TXN: variants seen among roughly 807,000 people sequenced by gnomAD.
TXN encodes ADF.
TXN carries 10 observed loss-of-function variants against 16.5 expected under a neutral mutation model. The observed-to-expected ratio is 0.61, with a 90% CI of 0.37 to 1.03. The LOEUF is 1.03. Ranked by LOEUF, TXN falls within the 50% of genes least tolerant of loss-of-function variation. The pLI is 0.01. For missense variants in TXN, 71 were observed against 122.5 expected (o/e 0.58, Z 1.98); for synonymous variants, 35 against 39.4 (o/e 0.89, Z 0.42).
chr9:110,256,501 G>A lies in TXN; in HGVS notation c.-66C>T, dbSNP rs1282269168. ...GGAAATGGATCCAAAGCACCAAACAGAGCTTCAAGACTCGCTGCTTGCTCT... is the reference window on the plus strand; with the variant it reads ...GGAAATGGATCCAAAGCACCAAACAAAGCTTCAAGACTCGCTGCTTGCTCT... On this transcript the variant is annotated 5_prime_UTR_variant, in exon 1 of 5. Coordinates refer to ENST00000374517, the MANE Select transcript of TXN (RefSeq NM_003329.4). The surrounding 1 kb of genome is among the most constrained non-coding windows in gnomAD (Gnocchi z 4.2). 2 of 1,539,696 alleles carry A rather than the reference G, an allele frequency of 1.3e-6. No homozygotes were observed. Among genetic ancestry groups the A allele is most frequent in the African/African-American group, 1.4e-5 (1 of 72,186 alleles).
chr9:110,255,917 A>T (rs1837803453), intron 1 of TXN, among the ~76,000 whole-genome samples: 1 of 152,026 alleles, frequency 6.6e-6, no homozygotes, highest in Non-Finnish European at 1.5e-5. Context: ...GCGGCCACCG[A>T]CCCGTGCCTT....
chr9:110,250,012 T>A (rs372266157), intron 3 of TXN, among the ~76,000 whole-genome samples: 1 of 151,808 alleles, frequency 6.6e-6, no homozygotes, highest in East Asian at 1.9e-4. Flanking sequence ...CTCAACCCGC[T>A]CTCCTAGGTC....
chr9:110,245,132 A>G, intron 3 of TXN: 1 of 249,522 alleles, frequency 4.0e-6, no homozygotes, highest in Non-Finnish European at 8.1e-6. Flanking sequence ...CCAGCGATCC[A>G]ATATGCTCTT....
chr9:110,245,110 G>A, intron 3 of TXN: 1 of 290,674 alleles, frequency 3.4e-6, no homozygotes, highest in Non-Finnish European at 6.8e-6. Flanking sequence ...AATGTTACTA[G>A]CATCAGATAC....
intron 3 of TXN, among the ~76,000 whole-genome samples, chr9:110,245,618 CTAT>C (rs1244775621): frequency 1.3e-3 from 40 of 30,870 alleles, no homozygotes; most frequent in East Asian, 4.7e-3. Context: ...CACACACACA[CTAT>C]ATATATATAT....
chr9:110,251,014 C>T, intron 2 of TXN, 135 bp from the exon 3 acceptor site: 1 of 676,268 alleles, frequency 1.5e-6, no homozygotes, highest in Non-Finnish European at 2.5e-6. Flanking sequence ...TCTTTGGAGA[C>T]ATAGATCTAA....
At position 110,244,220 on chromosome 9, in the gene TXN, C is replaced by A; in HGVS notation, c.256-1G>T. The A allele has an allele frequency of 6.5e-7, 1 of 1,549,300 alleles. No individual in the cohort carries two copies. Among genetic ancestry groups the A allele is most frequent in the Non-Finnish European group, 8.7e-7 (1 of 1,146,296 alleles). The stretch of plus-strand genomic sequence containing the variant: ...TATTGGCTCCAGAAAATTCACCCAC[C>A]TGTTAAGAGAATATTGAATTGACAT... On this transcript the variant is annotated splice_acceptor_variant, in intron 4 of 4. Coordinates refer to ENST00000374517, the MANE Select transcript of TXN (RefSeq NM_003329.4). LOFTEE classifies it high-confidence loss of function.
intron 3 of TXN, among the ~76,000 whole-genome samples, chr9:110,248,605 G>T (rs1837686737): frequency 6.6e-6 from 1 of 152,164 alleles, no homozygotes; most frequent in South Asian, 2.1e-4. Flanking sequence ...ATCATTAAGT[G>T]ATGCATGACT....
At chr9:110,255,438 C>T (rs1587926167) in intron 1 of TXN, among the ~76,000 whole-genome samples, 1 of 152,222 alleles carries the variant, frequency 6.6e-6, no homozygotes, top group Non-Finnish European at 1.5e-5. Flanking sequence ...GCTGTTTCGC[C>T]TTGGGCATTT....
rs5843 is a variant in TXN at position 110,244,140 on chromosome 9, A to G, written c.*17T>C. ...TTTTAAATAGCCAATGGCTGGTTATATTTTCAGAAAACATGATTAGACTAA... is the reference window on the plus strand; with the variant it reads ...TTTTAAATAGCCAATGGCTGGTTATGTTTTCAGAAAACATGATTAGACTAA... On this transcript the variant is annotated 3_prime_UTR_variant, in exon 5 of 5. Coordinates refer to ENST00000374517, the MANE Select transcript of TXN (RefSeq NM_003329.4). 0.54 allele frequency: 815,183 copies of G among 1,498,178 alleles called. 229,430 individuals carry two copies. Among genetic ancestry groups the G allele is most frequent in the East Asian group, 0.92 (38,297 of 41,536 alleles). 92.8% of individuals were successfully genotyped at this position (1,498,178 alleles called of 1,614,324 possible). A position where few individuals can be genotyped will look rare whatever the true frequency, so the allele number is the denominator to read the frequency against.
chr9:110,254,733 C>T (rs536763141), intron 1 of TXN, among the ~76,000 whole-genome samples: 23 of 152,270 alleles, frequency 1.5e-4, no homozygotes, highest in South Asian at 1.0e-3. Context: ...GAGGACTAAA[C>T]TGTGTGCTCC....
intron 3 of TXN, 41 bp downstream of exon 3, chr9:110,250,779 T>C (rs769155070): frequency 2.1e-6 from 3 of 1,458,852 alleles, no homozygotes; most frequent in Non-Finnish European, 2.9e-6. Context: ...AAAAGGCCAA[T>C]GTGAAAAGCT....
chr9:110,249,284 C>CA (rs1341646564), intron 3 of TXN, among the ~76,000 whole-genome samples: 1 of 137,940 alleles, frequency 7.2e-6, no homozygotes, highest in African/African-American at 2.7e-5. Context: ...GGATTTTTCA[C>CA]AAAAATGCAA....
At chr9:110,246,728 C>T (rs775793418) in intron 3 of TXN, among the ~76,000 whole-genome samples, 2 of 152,122 alleles carry the variant, frequency 1.3e-5, no homozygotes, top group Non-Finnish European at 2.9e-5. Context: ...TTTACTTTTT[C>T]TTTTAATGCT....
chr9:110,251,520 GA>G, intron 1 of TXN, 58 bp from the exon 2 acceptor site: 4 of 776,574 alleles, frequency 5.2e-6, no homozygotes, highest in Non-Finnish European at 7.3e-6. Flanking sequence ...ACCTTCAAAA[GA>G]AAGACTCGAC....
chr9:110,248,072 T>C (rs1837680710), intron 3 of TXN, among the ~76,000 whole-genome samples: 1 of 152,206 alleles, frequency 6.6e-6, no homozygotes, highest in Admixed American at 6.5e-5. Flanking sequence ...AAAGAAAATA[T>C]TTTTGTAGAG....
chr9:110,245,655 T>TATATATATATATATATATA (rs1491112333), intron 3 of TXN, among the ~76,000 whole-genome samples: 1 of 13,176 alleles, frequency 7.6e-5, no homozygotes, highest in Non-Finnish European at 1.4e-4. Flanking sequence ...TATATATATA[T>TATATATATATATATATATA]TTTTTTTTTT....
At chr9:110,246,598 T>C (rs771489644) in intron 3 of TXN, among the ~76,000 whole-genome samples, 1 of 152,082 alleles carries the variant, frequency 6.6e-6, no homozygotes, top group African/African-American at 2.4e-5. Context: ...GGACTGTTGA[T>C]AACCAAATCA....
Position 110,256,317 on chromosome 9 carries a change from C to A in TXN, c.24+95G>T. ...ATGCGGAGGGGCGGCCTCCGCACCT[C>A]CCGCCACCGCCTTCCCCACCTCCCG... On this transcript the variant is annotated intron_variant, in intron 1 of 4. Coordinates refer to ENST00000374517, the MANE Select transcript of TXN (RefSeq NM_003329.4). The surrounding 1 kb of genome is among the most constrained non-coding windows in gnomAD (Gnocchi z 4.2). 2 of 1,325,532 alleles carry A rather than the reference C, an allele frequency of 1.5e-6. No homozygotes were observed. Among genetic ancestry groups the A allele is most frequent in the Non-Finnish European group, 1.0e-6 (1 of 955,576 alleles). The allele number at this position is 1,325,532 out of a possible 1,614,324, so 82.1% of individuals were successfully genotyped here. A position where few individuals can be genotyped will look rare whatever the true frequency, so the allele number is the denominator to read the frequency against.
Sources: gnomAD v4.1 joint callset for allele counts (sites outside exome capture counted in the v4.1 genomes callset) on GRCh38, gnomAD v4.1.1 for gene constraint, Gnocchi (gnomAD v3.1) non-coding constraint, MANE v1.5 for transcripts, NCBI Gene and HGNC (gene_info 2026-07-23, HGNC 2026-07-21) for gene names.